Variants in GALNTL6 observed in about 807,000 individuals in gnomAD.
GALNTL6 encodes the protein polypeptide N-acetylgalactosaminyltransferase like 6.
In GALNTL6, 46 loss-of-function variants were observed where a neutral mutation model predicts 73.7. The observed-to-expected ratio is 0.62, with a 90% CI of 0.49 to 0.80. The LOEUF is 0.80. Ranked by LOEUF, GALNTL6 falls within the 30% of genes least tolerant of loss-of-function variation. GALNTL6 has a pLI of 0.00. For synonymous variants in GALNTL6, 259 were observed against 263.7 expected (o/e 0.98, Z 0.17); for missense variants, 604 against 755.0 (o/e 0.80, Z 2.34).
intron 5 of GALNTL6, among the ~76,000 whole-genome samples, chr4:172,581,700 C>T (rs1195106159): frequency 1.3e-5 from 2 of 152,220 alleles, no homozygotes; most frequent in African/African-American, 2.4e-5. Flanking sequence ...TTTCTCCACG[C>T]ATTACCTCTC....
At chr4:172,573,715 G>A (rs749048791) in intron 5 of GALNTL6, among the ~76,000 whole-genome samples, 3 of 152,086 alleles carry the variant, frequency 2.0e-5, no homozygotes, top group Non-Finnish European at 4.4e-5. Flanking sequence ...CTCTGAAGTG[G>A]TTAACCCACA....
rs1180288805 is a variant in GALNTL6, at chr4:172,685,025, A to T, written c.554-124336A>T. Among the ~76,000 whole-genome samples, 3 of 152,192 alleles carry T rather than the reference A, an allele frequency of 2.0e-5. No homozygotes were observed. In the East Asian group the frequency reaches 5.8e-4, roughly 29 times the overall value. ...TGATTGTTACCTTGTACATATTGTA[A>T]ATACCTACAGCATTTAAGATATGGC... On this transcript the variant is annotated intron_variant, in intron 5 of 12. Transcript: ENST00000506823.
At chr4:172,049,101 C>A (rs2110854292) in intron 2 of GALNTL6, among the ~76,000 whole-genome samples, 1 of 152,234 alleles carries the variant, frequency 6.6e-6, no homozygotes, top group South Asian at 2.1e-4. Context: ...TTGGAGAAGT[C>A]ATCTTTTCTA....
At chr4:171,943,548 A>T (rs1738613042) in intron 2 of GALNTL6, among the ~76,000 whole-genome samples, 1 of 152,176 alleles carries the variant, frequency 6.6e-6, no homozygotes, top group South Asian at 2.1e-4. Context: ...AAAGTGTGTG[A>T]TCTACTAGTA....
chr4:172,841,331 G>A (rs1019836693), intron 7 of GALNTL6, among the ~76,000 whole-genome samples: 2 of 152,112 alleles, frequency 1.3e-5, no homozygotes, highest in African/African-American at 4.8e-5. Context: ...TTTAACTGTT[G>A]CAACAATTCT....
At chr4:172,133,943 T>C (rs1560936470) in intron 2 of GALNTL6, among the ~76,000 whole-genome samples, 4 of 152,156 alleles carry the variant, frequency 2.6e-5, no homozygotes, top group African/African-American at 9.7e-5. Context: ...TGAGCAATGT[T>C]AAAGAAGGTA....
At chr4:172,532,880 A>C (rs974713120) in intron 5 of GALNTL6, among the ~76,000 whole-genome samples, 2 of 152,230 alleles carry the variant, frequency 1.3e-5, no homozygotes, top group African/African-American at 4.8e-5. Flanking sequence ...TGGACTACTT[A>C]AAAAGAAAAG....
chr4:172,599,542 C>T (rs1737980446), intron 5 of GALNTL6, among the ~76,000 whole-genome samples: 1 of 152,200 alleles, frequency 6.6e-6, no homozygotes, highest in South Asian at 2.1e-4. Context: ...ACATGATGCC[C>T]TTAACGATTT....
At chr4:172,764,045 A>G (rs1738264807) in intron 5 of GALNTL6, among the ~76,000 whole-genome samples, 1 of 148,106 alleles carries the variant, frequency 6.8e-6, no homozygotes, top group African/African-American at 2.5e-5. Flanking sequence ...AGCAACCTCC[A>G]TGTCCTGTGT....
chr4:171,820,449 A>G (rs1436504034), intron 2 of GALNTL6, among the ~76,000 whole-genome samples: 1 of 152,224 alleles, frequency 6.6e-6, no homozygotes, highest in Non-Finnish European at 1.5e-5. Flanking sequence ...CAACAGACAT[A>G]CACAGGTACA....
chr4:172,815,326 AT>A (rs1380740890), intron 7 of GALNTL6, among the ~76,000 whole-genome samples: 5 of 152,176 alleles, frequency 3.3e-5, no homozygotes, highest in Non-Finnish European at 5.9e-5. Context: ...AAATGTAAAA[AT>A]TTTTAAAACA....
chr4:171,847,014 ATCTC>A (rs1560811382), intron 2 of GALNTL6, among the ~76,000 whole-genome samples: 1 of 149,972 alleles, frequency 6.7e-6, no homozygotes, highest in African/African-American at 2.4e-5. Flanking sequence ...AGATATCTAT[ATCTC>A]TCTCTTTCTC....
intron 2 of GALNTL6, among the ~76,000 whole-genome samples, chr4:171,914,446 T>G (rs1261548627): frequency 6.7e-6 from 1 of 149,986 alleles, no homozygotes; most frequent in Non-Finnish European, 1.5e-5. Flanking sequence ...TTTTTTTTTT[T>G]TTGAGATGGA....
intron 4 of GALNTL6, among the ~76,000 whole-genome samples, chr4:172,339,251 C>T (rs1366021892): frequency 2.8e-5 from 4 of 140,710 alleles, no homozygotes; most frequent in Non-Finnish European, 6.1e-5. Context: ...CAAACACACA[C>T]ACACACCACA....
intron 5 of GALNTL6, among the ~76,000 whole-genome samples, chr4:172,396,580 A>C (rs1212201619): frequency 6.6e-6 from 1 of 152,154 alleles, no homozygotes; most frequent in African/African-American, 2.4e-5. Flanking sequence ...TCCTTACTTA[A>C]GACCAGTTCT....
At chr4:172,448,776 G>C (rs1732113288) in intron 5 of GALNTL6, among the ~76,000 whole-genome samples, 1 of 152,146 alleles carries the variant, frequency 6.6e-6, no homozygotes, top group South Asian at 2.1e-4. Context: ...ATGAAATTAT[G>C]CAGGCCCTTC....
intron 5 of GALNTL6, among the ~76,000 whole-genome samples, chr4:172,465,176 A>G (rs183926106): frequency 1.3e-5 from 2 of 152,262 alleles, no homozygotes; most frequent in African/African-American, 2.4e-5. Flanking sequence ...ATGGTCTGCT[A>G]TATTTAAGAA....
chr4:172,257,031 G>A (rs115932880), intron 3 of GALNTL6, among the ~76,000 whole-genome samples: 98 of 151,322 alleles, frequency 6.5e-4, no homozygotes, highest in African/African-American at 2.2e-3. Context: ...GGGAAATGAC[G>A]TCAGCATAAT....
chr4:172,524,755 G>T (rs1045326297), intron 5 of GALNTL6, among the ~76,000 whole-genome samples: 6 of 151,940 alleles, frequency 3.9e-5, no homozygotes, highest in Non-Finnish European at 8.8e-5. Context: ...AGTATCATTT[G>T]GTGACAACCA....
Sources: gnomAD v4.1 joint callset for allele counts (sites outside exome capture counted in the v4.1 genomes callset) on GRCh38, gnomAD v4.1.1 for gene constraint, MANE v1.5 for transcripts, NCBI Gene and HGNC (gene_info 2026-07-23, HGNC 2026-07-21) for gene names.